Variants in DNER observed in about 807,000 individuals in gnomAD.
DNER encodes the protein delta and Notch-like epidermal growth factor-related receptor.
A neutral mutation model predicts 78.2 loss-of-function variants in DNER; 33 were observed. The ratio of observed to expected loss-of-function variants is 0.42; its 90% confidence interval spans 0.32 to 0.56. DNER has a LOEUF of 0.56. Ranked by LOEUF, DNER falls within the 20% of genes least tolerant of loss-of-function variation. DNER has a pLI of 0.11. For missense variants in DNER, 918 were observed against 975.3 expected, an observed-to-expected ratio of 0.94 and a Z score of 0.78; for synonymous variants, 417 against 384.8, an observed-to-expected ratio of 1.08 and a Z score of -0.98.
chr2:229,567,400 G>A (rs927423050), intron 4 of DNER, among the ~76,000 whole-genome samples: 1 of 152,170 alleles, frequency 6.6e-6, no homozygotes, highest in Non-Finnish European at 1.5e-5. Flanking sequence ...AGGGAAGGAG[G>A]AATATGTGAA....
chr2:229,622,679 T>C (rs917483559), intron 1 of DNER, among the ~76,000 whole-genome samples: 6 of 152,072 alleles, frequency 3.9e-5, no homozygotes. Context: ...TATGATGAGG[T>C]CATACTAATT....
intron 1 of DNER, among the ~76,000 whole-genome samples, chr2:229,640,769 T>C (rs1698604670): frequency 6.6e-6 from 1 of 152,186 alleles, no homozygotes; most frequent in African/African-American, 2.4e-5. Context: ...CTAGCGGAAG[T>C]TGGAGACCAT....
At chr2:229,545,014 C>T (rs1696593095) in intron 5 of DNER, among the ~76,000 whole-genome samples, 1 of 152,176 alleles carries the variant, frequency 6.6e-6, no homozygotes, top group African/African-American at 2.4e-5. Context: ...GAAGGCATCA[C>T]CAAAGAAAAC....
intron 6 of DNER, among the ~76,000 whole-genome samples, chr2:229,482,862 G>T (rs535260246): frequency 3.3e-5 from 5 of 152,114 alleles, no homozygotes; most frequent in Non-Finnish European, 7.4e-5. Flanking sequence ...CCTAAGAGAA[G>T]GGTATCAAAG....
At chr2:229,638,089 C>T (rs550017285) in intron 1 of DNER, among the ~76,000 whole-genome samples, 62 of 152,056 alleles carry the variant, frequency 4.1e-4, no homozygotes, top group Non-Finnish European at 5.6e-4. Flanking sequence ...AAAGCTAATA[C>T]GAGAGAGGGA....
rs545545698 is a variant in DNER at position 229,682,709 on chromosome 2, G to A, written c.276+31439C>T. On this transcript the variant is annotated intron_variant, in intron 1 of 12. Transcript: ENST00000341772. ...CTAAAAATACAAAAATTAGCCGGGC[G>A]TGGTGGTGGGGGCCTGTTATTTGAG... Among the ~76,000 whole-genome samples the A allele has an allele frequency of 7.9e-5, 12 of 152,236 alleles. No individual in the cohort carries two copies. In the South Asian group the frequency reaches 1.0e-3, roughly 13 times the overall value.
intron 1 of DNER, among the ~76,000 whole-genome samples, chr2:229,655,220 G>A (rs1698893706): frequency 6.6e-6 from 1 of 151,260 alleles, no homozygotes; most frequent in South Asian, 2.1e-4. Context: ...AATCAAGAAC[G>A]ACCACCAAAA....
intron 5 of DNER, among the ~76,000 whole-genome samples, chr2:229,513,232 C>T (rs1695907884): frequency 6.6e-6 from 1 of 152,144 alleles, no homozygotes; most frequent in South Asian, 2.1e-4. Flanking sequence ...TTTTGCTGGC[C>T]AGACATGGAA....
intron 1 of DNER, among the ~76,000 whole-genome samples, chr2:229,651,527 G>C: frequency 6.6e-6 from 1 of 152,188 alleles, no homozygotes; most frequent in Middle Eastern, 3.2e-3. Context: ...TTGCAGGACA[G>C]ATGCTCTTTG....
chr2:229,588,975 C>G (rs555346590), intron 2 of DNER, among the ~76,000 whole-genome samples: 1 of 152,340 alleles, frequency 6.6e-6, no homozygotes, highest in South Asian at 2.1e-4. Context: ...GGTCCAGGAG[C>G]ACATGCTAAG....
At chr2:229,575,603 G>A (rs546868884) in intron 4 of DNER, among the ~76,000 whole-genome samples, 1 of 152,276 alleles carries the variant, frequency 6.6e-6, no homozygotes, top group East Asian at 1.9e-4. Flanking sequence ...TTGGTAGGAA[G>A]AGAAACATCT....
intron 11 of DNER, among the ~76,000 whole-genome samples, chr2:229,387,687 G>C (rs1169994478): frequency 6.6e-6 from 1 of 152,098 alleles, no homozygotes; most frequent in African/African-American, 2.4e-5. Flanking sequence ...TCTTGATTAA[G>C]ACATTTATCA....
intron 6 of DNER, among the ~76,000 whole-genome samples, chr2:229,507,630 C>A (rs556195336): frequency 6.6e-6 from 1 of 152,208 alleles, no homozygotes; most frequent in South Asian, 2.1e-4. Flanking sequence ...GAAATAGGGA[C>A]ACGTTATAAA....
At chr2:229,480,512 A>T (rs1371720509) in intron 6 of DNER, among the ~76,000 whole-genome samples, 2 of 152,228 alleles carry the variant, frequency 1.3e-5, no homozygotes, top group African/African-American at 4.8e-5. Context: ...ATTCCCATGC[A>T]CTTAATTCTT....
intron 6 of DNER, among the ~76,000 whole-genome samples, chr2:229,480,572 G>A (rs1695135317): frequency 6.6e-6 from 1 of 152,120 alleles, no homozygotes; most frequent in African/African-American, 2.4e-5. Context: ...GCTGTTAAGT[G>A]CCCCAATACC....
chr2:229,631,943 A>C (rs966720201), intron 1 of DNER, among the ~76,000 whole-genome samples: 1 of 152,270 alleles, frequency 6.6e-6, no homozygotes, highest in Non-Finnish European at 1.5e-5. Flanking sequence ...AATTATTTCC[A>C]TTATGGTCAC....
At chr2:229,708,860 A>C (rs2154217855) in intron 1 of DNER, among the ~76,000 whole-genome samples, 1 of 152,356 alleles carries the variant, frequency 6.6e-6, no homozygotes, top group South Asian at 2.1e-4. Flanking sequence ...AATAACACCA[A>C]GAAAACATCA....
intron 10 of DNER, among the ~76,000 whole-genome samples, chr2:229,395,958 GA>G (rs1389330758): frequency 6.6e-6 from 1 of 152,070 alleles, no homozygotes; most frequent in Non-Finnish European, 1.5e-5. Context: ...AAGTGAAAAA[GA>G]AGACACTTTT....
At chr2:229,497,136 A>G (rs1695518011) in intron 6 of DNER, among the ~76,000 whole-genome samples, 1 of 152,230 alleles carries the variant, frequency 6.6e-6, no homozygotes, top group South Asian at 2.1e-4. Context: ...GTAGAAACTG[A>G]TAACAGGAAG....
Sources: allele counts gnomAD v4.1 joint callset (sites outside exome capture counted in the v4.1 genomes callset), GRCh38; gene constraint gnomAD v4.1.1; transcripts MANE v1.5; gene names NCBI Gene and HGNC (gene_info 2026-07-23, HGNC 2026-07-21).